The following MSI2 variants were observed in gnomAD, a reference collection of about 807,000 sequenced individuals.
The protein encoded by MSI2 is RNA-binding protein Musashi homolog 2.
In MSI2, 17 loss-of-function variants were observed where a neutral mutation model predicts 45.6. That is an observed-to-expected ratio of 0.37 (90% confidence interval 0.26 to 0.56). The LOEUF (loss-of-function observed/expected upper bound fraction) is 0.56. Among genes scored for constraint, MSI2 ranks in the 20% least tolerant of loss-of-function variants. The pLI is 0.77. For synonymous variants in MSI2, 156 were observed against 158.2 expected (o/e 0.99, Z 0.11); for missense variants, 293 against 444.2 (o/e 0.66, Z 3.06).
chr17:57,647,518 T>C (rs1910770421), intron 10 of MSI2, among the ~76,000 whole-genome samples: 1 of 151,710 alleles, frequency 6.6e-6, no homozygotes, highest in Non-Finnish European at 1.5e-5. Flanking sequence ...CAGCTGACCA[T>C]GGCTCCTACC....
rs1159335849 is a variant in MSI2 at position 57,684,671 on chromosome 17, ATAAAC to A, written c.*5156_*5160del. ...CTGACAAAAAAAAAAATAAAATAAA[ATAAAC>A]TGTTTTGAACAGAGTTGTTTGGTGT... On this transcript the variant is annotated 3_prime_UTR_variant, in exon 14 of 14. Transcript: ENST00000284073. 6.4e-6 allele frequency: 1 copy of A among 156,748 alleles called. No individual in the cohort carries two copies. Among genetic ancestry groups the A allele is most frequent in the African/African-American group, 2.4e-5 (1 of 41,522 alleles). 9.7% of individuals were successfully genotyped at this position (156,748 alleles called of 1,614,324 possible). A position where few individuals can be genotyped will look rare whatever the true frequency, so the allele number is the denominator to read the frequency against.
rs568252335 is a variant in MSI2, at chr17:57,318,331, C to G, written c.312+56139C>G. 5.3e-5 allele frequency among the ~76,000 whole-genome samples: 8 copies of G among 152,116 alleles called. No individual in the cohort carries two copies. In the South Asian group the frequency reaches 1.7e-3, roughly 32 times the overall value. ...TGCTCTGAGTGCTCTTTCATCGGAG[C>G]CTTTCCCCCATTCCGGATTCTTCAC... On this transcript the variant is annotated intron_variant, in intron 5 of 13. Coordinates refer to ENST00000284073, the MANE Select transcript of MSI2 (RefSeq NM_138962.4).
chr17:57,643,890 C>T (rs1453648660), intron 10 of MSI2, among the ~76,000 whole-genome samples: 2 of 152,258 alleles, frequency 1.3e-5, no homozygotes, highest in Non-Finnish European at 2.9e-5. Context: ...CTTTAGGCAA[C>T]AGGACCAACC....
downstream of MSI2, among the ~76,000 whole-genome samples, chr17:57,689,452 A>G (rs569120543): frequency 1.3e-5 from 2 of 152,308 alleles, no homozygotes; most frequent in East Asian, 3.9e-4. Flanking sequence ...ACGTGGTTTC[A>G]TGTAAGCGCT....
chr17:57,536,318 C>T (rs1243428233), intron 7 of MSI2, among the ~76,000 whole-genome samples: 1 of 152,086 alleles, frequency 6.6e-6, no homozygotes, highest in Non-Finnish European at 1.5e-5. Context: ...GTGTATTTGA[C>T]AAAAACGATC....
intron 5 of MSI2, among the ~76,000 whole-genome samples, chr17:57,301,538 TC>T (rs1911420555): frequency 6.6e-6 from 1 of 152,270 alleles, no homozygotes; most frequent in Non-Finnish European, 1.5e-5. Flanking sequence ...CTGCCTGCCT[TC>T]CTATCACATT....
intron 5 of MSI2, among the ~76,000 whole-genome samples, chr17:57,359,363 T>C (rs1032228077): frequency 5.3e-4 from 80 of 152,322 alleles, no homozygotes; most frequent in African/African-American, 1.8e-3. Context: ...AATAGGGTGA[T>C]TGATAGTTAA....
At chr17:57,453,254 G>A (rs2085052504) in intron 6 of MSI2, among the ~76,000 whole-genome samples, 1 of 152,114 alleles carries the variant, frequency 6.6e-6, no homozygotes, top group Non-Finnish European at 1.5e-5. Flanking sequence ...GCCCACCTCA[G>A]CCTCCCAAAG....
At chr17:57,358,204 G>GGTGTGTGT (rs1295831661) in intron 5 of MSI2, among the ~76,000 whole-genome samples, 1 of 72,466 alleles carries the variant, frequency 1.4e-5, no homozygotes, top group Non-Finnish European at 2.8e-5. Flanking sequence ...TGTGTGGGGG[G>GGTGTGTGT]GTGTGTGTGT....
At chr17:57,478,087 C>T (rs535940720) in intron 6 of MSI2, among the ~76,000 whole-genome samples, 31 of 152,312 alleles carry the variant, frequency 2.0e-4, no homozygotes, top group Admixed American at 1.6e-3. Context: ...GAGAAGCTCT[C>T]GGGTCATCTC....
At chr17:57,542,025 T>A (rs148643736) in intron 7 of MSI2, among the ~76,000 whole-genome samples, 1 of 152,258 alleles carries the variant, frequency 6.6e-6, no homozygotes, top group Non-Finnish European at 1.5e-5. Context: ...GGTTCATGGA[T>A]GATTCATGAC....
intron 7 of MSI2, among the ~76,000 whole-genome samples, chr17:57,537,849 T>G: frequency 6.6e-6 from 1 of 152,144 alleles, no homozygotes; most frequent in East Asian, 1.9e-4. Context: ...CAGGGGGAGT[T>G]TGGTACCCAG....
intron 10 of MSI2, chr17:57,631,176 C>T (rs1370810133): frequency 6.6e-6 from 1 of 152,438 alleles, no homozygotes; most frequent in Non-Finnish European, 1.5e-5. Flanking sequence ...CTTTCTGAGT[C>T]CCCCTAGCAG....
At chr17:57,550,710 G>A (rs992959662) in intron 7 of MSI2, among the ~76,000 whole-genome samples, 4 of 152,286 alleles carry the variant, frequency 2.6e-5, no homozygotes, top group African/African-American at 9.6e-5. Flanking sequence ...AAATGTTGGA[G>A]ATTTTCAGCC....
chr17:57,674,772 T>C, intron 11 of MSI2, 200 bp from the exon 12 acceptor site: 1 of 686,576 alleles, frequency 1.5e-6, no homozygotes, highest in Admixed American at 3.0e-5. Context: ...GGCTGAGTAT[T>C]CTTGAGTCCC....
At chr17:57,608,076 AG>A (rs1906827398) in intron 8 of MSI2, among the ~76,000 whole-genome samples, 1 of 152,204 alleles carries the variant, frequency 6.6e-6, no homozygotes, top group Non-Finnish European at 1.5e-5. Context: ...AAGGAGCAGA[AG>A]GGCTTGTACC....
the MSI2 span, among the ~76,000 whole-genome samples, chr17:57,700,563 C>T: frequency 6.6e-6 from 1 of 152,158 alleles, no homozygotes; most frequent in Non-Finnish European, 1.5e-5. Flanking sequence ...ATAGGTCTAA[C>T]TGGGATAACA....
intron 6 of MSI2, among the ~76,000 whole-genome samples, chr17:57,426,025 G>C (rs1490450076): frequency 6.6e-6 from 1 of 152,034 alleles, no homozygotes; most frequent in Non-Finnish European, 1.5e-5. Flanking sequence ...TTAAATACTT[G>C]TTACATTGCC....
chr17:57,654,117 T>A (rs1322183760), intron 11 of MSI2, among the ~76,000 whole-genome samples: 1 of 152,062 alleles, frequency 6.6e-6, no homozygotes, highest in Non-Finnish European at 1.5e-5. Context: ...AAGGAGTAAA[T>A]CCTCAACTCC....
Sources: allele counts gnomAD v4.1 joint callset (sites outside exome capture counted in the v4.1 genomes callset), GRCh38; gene constraint gnomAD v4.1.1; transcripts MANE v1.5; gene names NCBI Gene and HGNC (gene_info 2026-07-23, HGNC 2026-07-21).